The following MTUS2 variants were observed in gnomAD, a reference collection of about 807,000 sequenced individuals.
MTUS2 encodes microtubule-associated tumor suppressor candidate 2.
Under a neutral mutation model 114.1 loss-of-function variants are expected in MTUS2, and 40 were observed. The ratio of observed to expected loss-of-function variants is 0.35; its 90% CI spans 0.27 to 0.46. MTUS2 has a LOEUF of 0.46. MTUS2 is among the 20% of genes least tolerant of loss of function. MTUS2 has a pLI of 1.00. For synonymous variants in MTUS2, 688 were observed against 672.0 expected (o/e 1.02, Z -0.37); for missense variants, 1,679 against 1,705.4 (o/e 0.98, Z 0.27).
chr13:29,150,875 G>A (rs1892637050), intron 5 of MTUS2, among the ~76,000 whole-genome samples: 1 of 151,996 alleles, frequency 6.6e-6, no homozygotes, highest in Non-Finnish European at 1.5e-5. Context: ...TTTATTTCTA[G>A]GTTCTCTATG....
chr13:29,183,124 A>C (rs181521750), intron 5 of MTUS2, among the ~76,000 whole-genome samples: 1 of 152,320 alleles, frequency 6.6e-6, no homozygotes, highest in Non-Finnish European at 1.5e-5. Context: ...TTTTATTGCA[A>C]TAATATAGGC....
chr13:29,375,314 A>G (rs1871502903), intron 8 of MTUS2, among the ~76,000 whole-genome samples: 1 of 149,766 alleles, frequency 6.7e-6, no homozygotes, highest in Admixed American at 6.7e-5. Context: ...GAGAGAAGAA[A>G]GCCATTACTT....
chr13:29,302,213 G>C (rs576305975), intron 6 of MTUS2, among the ~76,000 whole-genome samples: 2 of 152,190 alleles, frequency 1.3e-5, no homozygotes, highest in African/African-American at 4.8e-5. Context: ...AGAGAATGAA[G>C]AAAAGCTGGG....
At chr13:29,081,914 C>A in intron 4 of MTUS2, among the ~76,000 whole-genome samples, 1 of 152,104 alleles carries the variant, frequency 6.6e-6, no homozygotes, top group East Asian at 1.9e-4. Context: ...CAGATGGAAT[C>A]AACTTTTGGC....
chr13:29,232,449 A>T (rs747329979), intron 5 of MTUS2, among the ~76,000 whole-genome samples: 1 of 152,226 alleles, frequency 6.6e-6, no homozygotes, highest in Non-Finnish European at 1.5e-5. Context: ...TTTAGAGTAT[A>T]TGTAAAATAA....
chr13:29,348,800 T>G (rs4470007), intron 7 of MTUS2, among the ~76,000 whole-genome samples: 122,243 of 151,832 alleles, frequency 0.81, 50,233 homozygotes, highest in East Asian at 0.9. Flanking sequence ...ATTATGAAAT[T>G]AACTTCTTTA....
At chr13:28,964,170 C>G (rs1478443166) in intron 2 of MTUS2, among the ~76,000 whole-genome samples, 1 of 152,140 alleles carries the variant, frequency 6.6e-6, no homozygotes, top group East Asian at 1.9e-4. Context: ...AGTAGTTTTC[C>G]TAATTCTTTC....
intron 4 of MTUS2, among the ~76,000 whole-genome samples, chr13:29,063,799 G>GT (rs1213949752): frequency 1.3e-5 from 2 of 152,160 alleles, no homozygotes; most frequent in African/African-American, 2.4e-5. Flanking sequence ...AAATATGACA[G>GT]TTTTTTTCTC....
At chr13:29,497,939 C>G (rs972892222) in intron 13 of MTUS2, 3 of 168,994 alleles carry the variant, frequency 1.8e-5, no homozygotes, top group East Asian at 3.3e-4. Context: ...TCCTGCAGCA[C>G]TACTCCAACA....
At chr13:29,502,671 C>G (rs888365316) in intron 15 of MTUS2, among the ~76,000 whole-genome samples, 1 of 152,268 alleles carries the variant, frequency 6.6e-6, no homozygotes, top group Non-Finnish European at 1.5e-5. Context: ...AGCTTCCGGG[C>G]AGCATACCCA....
chr13:29,168,803 T>C (rs1342406356), intron 5 of MTUS2, among the ~76,000 whole-genome samples: 1 of 151,962 alleles, frequency 6.6e-6, no homozygotes, highest in Non-Finnish European at 1.5e-5. Context: ...GATTTAAACC[T>C]GCAATTTAAG....
intron 4 of MTUS2, among the ~76,000 whole-genome samples, chr13:29,087,357 A>T (rs529249261): frequency 1.5e-4 from 23 of 152,186 alleles, no homozygotes; most frequent in Non-Finnish European, 2.6e-4. Context: ...CTATGAGATT[A>T]TTATGTGGTT....
At chr13:28,933,237 T>G (rs753981603) in intron 2 of MTUS2, among the ~76,000 whole-genome samples, 1 of 151,836 alleles carries the variant, frequency 6.6e-6, no homozygotes, top group Non-Finnish European at 1.5e-5. Flanking sequence ...AAGTCTGAGA[T>G]TTGTAGGGCA....
chr13:29,407,183 T>C (rs71427269), intron 8 of MTUS2, among the ~76,000 whole-genome samples: 23 of 152,096 alleles, frequency 1.5e-4, no homozygotes, highest in South Asian at 6.3e-4. Flanking sequence ...GAGGCAGGGG[T>C]TGCAGTGAGC....
chr13:28,972,311 G>A (rs919550242), intron 2 of MTUS2, among the ~76,000 whole-genome samples: 2 of 152,130 alleles, frequency 1.3e-5, no homozygotes, highest in Non-Finnish European at 2.9e-5. Context: ...CGGTTCTTCC[G>A]GGACACTTGA....
chr13:29,319,473 G>C (rs866267641), intron 6 of MTUS2, among the ~76,000 whole-genome samples: 5 of 152,190 alleles, frequency 3.3e-5, no homozygotes, highest in Admixed American at 3.3e-4. Flanking sequence ...CTGCCAGCTT[G>C]GGCATCTATC....
At chr13:28,953,602 C>A (rs898861870) in intron 2 of MTUS2, among the ~76,000 whole-genome samples, 2 of 152,136 alleles carry the variant, frequency 1.3e-5, no homozygotes, top group East Asian at 3.8e-4. Flanking sequence ...CTTGTGATAT[C>A]TTTTGCTTTT....
At chr13:29,410,196 C>T (rs1353326414) in intron 8 of MTUS2, among the ~76,000 whole-genome samples, 1 of 151,792 alleles carries the variant, frequency 6.6e-6, no homozygotes, top group Non-Finnish European at 1.5e-5. Flanking sequence ...ACCGTCTCAG[C>T]TCACTGCAAC....
intron 2 of MTUS2, among the ~76,000 whole-genome samples, chr13:28,885,866 A>G (rs545504953): frequency 1.3e-5 from 2 of 152,334 alleles, no homozygotes; most frequent in African/African-American, 4.8e-5. Flanking sequence ...TAAGATAGTG[A>G]TAAGGTCTAT....
Sources: gnomAD v4.1 joint callset for allele counts (sites outside exome capture counted in the v4.1 genomes callset) on GRCh38, gnomAD v4.1.1 for gene constraint, MANE v1.5 for transcripts, NCBI Gene and HGNC (gene_info 2026-07-23, HGNC 2026-07-21) for gene names.